HDAC9: variants seen among roughly 807,000 people sequenced by gnomAD.
HDAC9 encodes the protein histone deacetylase 9.
HDAC9 carries 41 observed loss-of-function variants against 139.4 expected under a neutral mutation model. The ratio of observed to expected loss-of-function variants is 0.29; its 90% CI spans 0.23 to 0.38. The LOEUF is 0.38. HDAC9 is among the 10% of genes least tolerant of loss of function. The pLI is 1.00. For synonymous variants in HDAC9, 517 were observed against 476.2 expected (o/e 1.09, Z -1.12); for missense variants, 1,147 against 1,297.0 (o/e 0.88, Z 1.78).
chr7:18,867,196 A>G (rs896880694), intron 21 of HDAC9, among the ~76,000 whole-genome samples: 10 of 152,006 alleles, frequency 6.6e-5, no homozygotes, highest in African/African-American at 1.9e-4. Context: ...AGAGCATGAC[A>G]GAATAACCAT....
intron 1 of HDAC9, among the ~76,000 whole-genome samples, chr7:18,326,948 C>T (rs1242415143): frequency 6.6e-6 from 1 of 151,824 alleles, no homozygotes; most frequent in Admixed American, 6.6e-5. Flanking sequence ...TCTGTCATTT[C>T]ATCATTATGA....
intron 2 of HDAC9, among the ~76,000 whole-genome samples, chr7:18,565,594 G>A (rs1014457145): frequency 6.6e-6 from 1 of 151,922 alleles, no homozygotes. Context: ...TTTAGCTGTT[G>A]AACAGGACTA....
chr7:18,830,279 G>A (rs1795764640), intron 19 of HDAC9, among the ~76,000 whole-genome samples: 1 of 152,166 alleles, frequency 6.6e-6, no homozygotes, highest in South Asian at 2.1e-4. Flanking sequence ...AGTGAATGGT[G>A]ATTTATGAGC....
At chr7:18,966,267 C>G (rs1345379856) in intron 24 of HDAC9, among the ~76,000 whole-genome samples, 1 of 152,078 alleles carries the variant, frequency 6.6e-6, no homozygotes, top group African/African-American at 2.4e-5. Flanking sequence ...GTGTAGGGTC[C>G]TCACGAATAC....
intron 24 of HDAC9, 49 bp downstream of exon 24, chr7:18,954,279 A>C: frequency 8.9e-7 from 1 of 1,128,440 alleles, no homozygotes; most frequent in Non-Finnish European, 1.3e-6. Context: ...AAAACTAACT[A>C]AAATTATATT....
At position 18,321,598 on chromosome 7, in the gene HDAC9, C is replaced by T. The variant is rs138545475; in HGVS notation, c.-42+31083C>T. Among the ~76,000 whole-genome samples the T allele has an allele frequency of 3.9e-3, 588 of 152,132 alleles. 3 individuals carry two copies. The highest frequency in any genetic ancestry group is 0.014 in the African/African-American group (566 of 41,516). On this transcript the variant is annotated intron_variant, in intron 1 of 3. Coordinates refer to the HDAC9 transcript ENST00000413509. ...AAAGTGGTTTAGTTCAGAAATTGTA[C>T]ATATTGGTGAGGTTTGGAAAGACTG...
In HDAC9 at chr7:18,727,705, T is replaced by C; in HGVS notation, c.1857T>C (p.Ser619=). The C allele has an allele frequency of 6.3e-7, 1 of 1,579,802 alleles. No individual in the cohort carries two copies. The highest frequency in any genetic ancestry group is 8.6e-7 in the Non-Finnish European group (1 of 1,167,958). ...GGACTCACTCTTCCCCTGCTGCCTC[T>C]GTTTTACCTCACCCAGCAATGGACC... The part of the protein sequence containing the change: ...VSRTHSSPAA[S]VLPHPAMDRP... The change falls in exon 13 of 26, where the codon TCT becomes TCC. Residue 619 remains serine, a synonymous_variant. Coordinates refer to ENST00000686413, the MANE Select transcript of HDAC9 (RefSeq NM_178425.4).
intron 1 of HDAC9, among the ~76,000 whole-genome samples, chr7:18,407,513 G>A (rs993451645): frequency 7.2e-5 from 11 of 152,098 alleles, no homozygotes; most frequent in Non-Finnish European, 1.3e-4. Flanking sequence ...CAAAGTCAAT[G>A]TGCAGCCTTC....
chr7:18,910,689 C>A (rs1384894337), intron 22 of HDAC9, among the ~76,000 whole-genome samples: 2 of 151,800 alleles, frequency 1.3e-5, no homozygotes, highest in African/African-American at 4.8e-5. Flanking sequence ...TTCAAATGCT[C>A]TTTCTGTGTC....
chr7:18,406,517 C>A (rs1490441425), intron 1 of HDAC9, among the ~76,000 whole-genome samples: 4 of 152,102 alleles, frequency 2.6e-5, no homozygotes, highest in Non-Finnish European at 5.9e-5. Flanking sequence ...CCTCAGCCTC[C>A]CGAGTAGCTG....
chr7:18,325,797 T>G (rs957389978), intron 1 of HDAC9, among the ~76,000 whole-genome samples: 1 of 152,142 alleles, frequency 6.6e-6, no homozygotes, highest in African/African-American at 2.4e-5. Flanking sequence ...TTTCTATGTT[T>G]AAATACATAA....
At chr7:18,689,634 G>C (rs1044089149) in intron 12 of HDAC9, among the ~76,000 whole-genome samples, 11 of 151,944 alleles carry the variant, frequency 7.2e-5, no homozygotes, top group African/African-American at 2.2e-4. Context: ...GTTTCTAACT[G>C]GTTTTATGCA....
At chr7:18,279,711 C>G (rs1035866026) in intron 2 of HDAC9, among the ~76,000 whole-genome samples, 2 of 151,944 alleles carry the variant, frequency 1.3e-5, no homozygotes, top group Non-Finnish European at 2.9e-5. Context: ...TGATCCACCC[C>G]CCTCGACCCC....
At chr7:18,203,994 G>A (rs1244732319) in intron 2 of HDAC9, among the ~76,000 whole-genome samples, 5 of 152,138 alleles carry the variant, frequency 3.3e-5, no homozygotes, top group Admixed American at 6.6e-5. Context: ...ATACTGAAGC[G>A]TGTGTCCACA....
chr7:18,724,504 G>C (rs1170053667), intron 12 of HDAC9, among the ~76,000 whole-genome samples: 1 of 152,158 alleles, frequency 6.6e-6, no homozygotes, highest in East Asian at 1.9e-4. Context: ...AGTTGCTGTG[G>C]GTGAGTCAGC....
At chr7:18,657,165 T>C (rs1468229568) in intron 11 of HDAC9, among the ~76,000 whole-genome samples, 1 of 152,146 alleles carries the variant, frequency 6.6e-6, no homozygotes, top group Non-Finnish European at 1.5e-5. Flanking sequence ...TCCATATATA[T>C]CCTGGTTATT....
At chr7:18,132,174 T>C (rs1785057183) in intron 1 of HDAC9, among the ~76,000 whole-genome samples, 1 of 152,136 alleles carries the variant, frequency 6.6e-6, no homozygotes, top group South Asian at 2.1e-4. Flanking sequence ...TTCCCTTCAT[T>C]GTGCCAGTGT....
At chr7:18,863,733 C>A (rs1003738550) in intron 21 of HDAC9, among the ~76,000 whole-genome samples, 7 of 151,818 alleles carry the variant, frequency 4.6e-5, no homozygotes, top group Admixed American at 4.6e-4. Context: ...TGAAAAAAAA[C>A]CAGAAGAGAA....
At chr7:18,573,696 A>C (rs1476220603) in intron 2 of HDAC9, among the ~76,000 whole-genome samples, 2 of 152,216 alleles carry the variant, frequency 1.3e-5, no homozygotes, top group African/African-American at 4.8e-5. Flanking sequence ...GCAACAACAC[A>C]GGTGCCAGCT....
Sources: gnomAD v4.1 joint callset for allele counts (sites outside exome capture counted in the v4.1 genomes callset) on GRCh38, gnomAD v4.1.1 for gene constraint, MANE v1.5 for transcripts, NCBI Gene and HGNC (gene_info 2026-07-23, HGNC 2026-07-21) for gene names.